CSMD3: variants seen among roughly 807,000 people sequenced by gnomAD.
The protein encoded by CSMD3 is CUB and Sushi multiple domains 3.
CSMD3 carries 177 observed loss-of-function variants against 435.2 expected under a neutral mutation model. The observed-to-expected ratio is 0.41, with a 90% CI of 0.36 to 0.46. CSMD3 has a LOEUF of 0.46. Ranked by LOEUF, CSMD3 falls within the 20% of genes least tolerant of loss-of-function variation. The probability of loss-of-function intolerance (pLI) is 0.34; values close to 1 mark genes in which losing one functional copy is unlikely to be tolerated. For synonymous variants in CSMD3, 1,656 were observed against 1,520.5 expected (o/e 1.09, Z -2.07); for missense variants, 4,265 against 4,504.6 (o/e 0.95, Z 1.52).
At chr8:112,882,573 A>C (rs1425517036) in intron 10 of CSMD3, among the ~76,000 whole-genome samples, 1 of 151,952 alleles carries the variant, frequency 6.6e-6, no homozygotes, top group Non-Finnish European at 1.5e-5. Flanking sequence ...GAAGATCTCA[A>C]GATCCCCTTT....
chr8:113,141,049 T>C (rs2091536540), intron 4 of CSMD3, among the ~76,000 whole-genome samples: 2 of 150,408 alleles, frequency 1.3e-5, no homozygotes, highest in Admixed American at 1.3e-4. Flanking sequence ...AAGTAGAAAA[T>C]ACTATGAATT....
chr8:113,144,301 T>C (rs1439560180), intron 4 of CSMD3, among the ~76,000 whole-genome samples: 1 of 151,384 alleles, frequency 6.6e-6, no homozygotes, highest in African/African-American at 2.4e-5. Flanking sequence ...TTTTAGAGCT[T>C]GCCCTTTCAA....
intron 27 of CSMD3, among the ~76,000 whole-genome samples, chr8:112,524,078 G>A (rs1347334414): frequency 1.3e-5 from 2 of 151,892 alleles, no homozygotes; most frequent in Non-Finnish European, 2.9e-5. Context: ...TGATGTTGGA[G>A]ATATTAACAG....
chr8:113,189,424 A>G (rs975446362), intron 3 of CSMD3, among the ~76,000 whole-genome samples: 4 of 151,860 alleles, frequency 2.6e-5, no homozygotes, highest in Non-Finnish European at 5.9e-5. Flanking sequence ...TCTGATTAAA[A>G]TTAATAGGAA....
At chr8:112,267,129 A>G (rs755114345) in intron 59 of CSMD3, among the ~76,000 whole-genome samples, 3 of 152,178 alleles carry the variant, frequency 2.0e-5, no homozygotes, top group Non-Finnish European at 4.4e-5. Flanking sequence ...CACCTTAGTT[A>G]CATTGTATTT....
At chr8:112,329,287 A>G (rs1028582464) in intron 45 of CSMD3, among the ~76,000 whole-genome samples, 1 of 152,172 alleles carries the variant, frequency 6.6e-6, no homozygotes, top group African/African-American at 2.4e-5. Context: ...TGTTGAAACA[A>G]GCGAGAAATA....
chr8:113,239,902 T>C (rs79624576), intron 3 of CSMD3, among the ~76,000 whole-genome samples: 23 of 152,192 alleles, frequency 1.5e-4, no homozygotes, highest in Non-Finnish European at 2.2e-4. Context: ...ATTTGTTACA[T>C]AGGTAAATGT....
At chr8:113,010,832 C>T (rs945332453) in intron 6 of CSMD3, among the ~76,000 whole-genome samples, 45 of 151,514 alleles carry the variant, frequency 3.0e-4, no homozygotes, top group African/African-American at 1.1e-3. Flanking sequence ...TAATTATAAA[C>T]CAGAGTCACT....
chr8:112,772,466 T>C (rs1444023674), intron 13 of CSMD3, among the ~76,000 whole-genome samples: 1 of 152,088 alleles, frequency 6.6e-6, no homozygotes, highest in Non-Finnish European at 1.5e-5. Context: ...CACAAAACAC[T>C]GCGGAAGGCC....
intron 3 of CSMD3, among the ~76,000 whole-genome samples, chr8:113,257,870 G>GA (rs1285112112): frequency 4.0e-5 from 6 of 151,792 alleles, no homozygotes; most frequent in African/African-American, 1.5e-4. Context: ...ACTGGAATTT[G>GA]AAAAAAATAA....
At chr8:112,459,470 C>A (rs1441970183) in intron 32 of CSMD3, among the ~76,000 whole-genome samples, 1 of 151,856 alleles carries the variant, frequency 6.6e-6, no homozygotes, top group Non-Finnish European at 1.5e-5. Flanking sequence ...GAAGGGCCAG[C>A]GGCCAGAGAA....
intron 16 of CSMD3, among the ~76,000 whole-genome samples, chr8:112,675,440 G>A (rs977852981): frequency 3.3e-5 from 5 of 151,992 alleles, no homozygotes; most frequent in Non-Finnish European, 5.9e-5. Context: ...TAATCCAGAA[G>A]GCCAATATTC....
chr8:113,016,896 T>C (rs1280409837), intron 6 of CSMD3, among the ~76,000 whole-genome samples: 2 of 151,970 alleles, frequency 1.3e-5, no homozygotes, highest in Non-Finnish European at 2.9e-5. Context: ...CATTATGATT[T>C]CAAGATTTAC....
intron 19 of CSMD3, among the ~76,000 whole-genome samples, 159 bp from the exon 20 acceptor site, chr8:112,645,384 T>C (rs1419389588): frequency 2.0e-5 from 3 of 152,186 alleles, no homozygotes; most frequent in Non-Finnish European, 4.4e-5. Flanking sequence ...AAGAAAAGTG[T>C]ACTCAGTAGC....
At chr8:113,380,626 A>G (rs1441501280) in intron 1 of CSMD3, among the ~76,000 whole-genome samples, 1 of 152,162 alleles carries the variant, frequency 6.6e-6, no homozygotes, top group African/African-American at 2.4e-5. Flanking sequence ...TCCAAACTCA[A>G]AACCAAACTG....
rs118025263 is a variant in CSMD3 at position 112,278,579 on chromosome 8, G to A, written c.9508+2595C>T. 5.9e-3 allele frequency among the ~76,000 whole-genome samples: 905 copies of A among 152,242 alleles called. 5 individuals are homozygous for A. Among genetic ancestry groups the A allele is most frequent in the Middle Eastern group, 0.027 (8 of 294 alleles). On this transcript the variant is annotated intron_variant, in intron 59 of 70. Coordinates refer to ENST00000297405, the MANE Select transcript of CSMD3 (RefSeq NM_198123.2). ...GACTATTGGTTATGTGTCTCAAGCA[G>A]GTGTTGACTCCCATTCTATAGAGTG...
intron 13 of CSMD3, among the ~76,000 whole-genome samples, chr8:112,708,647 C>CTTTT (rs34676109): frequency 1.8e-5 from 2 of 110,556 alleles, no homozygotes; most frequent in Admixed American, 9.7e-5. Context: ...GGTAATGCTT[C>CTTTT]TTTTTTTTTT....
intron 31 of CSMD3, among the ~76,000 whole-genome samples, chr8:112,473,999 G>A (rs16883703): frequency 0.017 from 2,660 of 152,076 alleles, 80 homozygotes; most frequent in African/African-American, 0.06. Flanking sequence ...AAAGCTGATC[G>A]TTTGATTTCC....
chr8:112,443,538 T>C (rs1340124354), intron 32 of CSMD3, among the ~76,000 whole-genome samples: 1 of 152,198 alleles, frequency 6.6e-6, no homozygotes, highest in Non-Finnish European at 1.5e-5. Flanking sequence ...GGGTGCAGCC[T>C]ATACAATTTC....
Sources: gnomAD v4.1 joint callset for allele counts (sites outside exome capture counted in the v4.1 genomes callset) on GRCh38, gnomAD v4.1.1 for gene constraint, MANE v1.5 for transcripts, NCBI Gene and HGNC (gene_info 2026-07-23, HGNC 2026-07-21) for gene names.